Variants in ZC3H12B observed in about 807,000 individuals in gnomAD.
The protein encoded by ZC3H12B is zinc finger CCCH-type containing 12B, also known as probable ribonuclease ZC3H12B.
A neutral mutation model predicts 43.9 loss-of-function variants in ZC3H12B; 7 were observed. That is an observed-to-expected ratio of 0.16 (90% CI 0.09 to 0.30). The LOEUF is 0.30. Among genes scored for constraint, ZC3H12B ranks in the 10% least tolerant of loss-of-function variants. The pLI, the probability that ZC3H12B is intolerant of heterozygous loss-of-function variation, is 1.00. For missense variants in ZC3H12B, 475 were observed against 670.2 expected (o/e 0.71, Z 3.22); for synonymous variants, 222 against 241.7 (o/e 0.92, Z 0.76).
chrX:65,293,479 C>A, the ZC3H12B span, among the ~76,000 whole-genome samples: 1 of 109,288 alleles, frequency 9.2e-6, no homozygotes, highest in African/African-American at 3.3e-5. Flanking sequence ...CAGTAGATTA[C>A]CAGCAATGGA....
chrX:65,370,479 A>G (rs189000874), intron 2 of ZC3H12B, among the ~76,000 whole-genome samples: 1 of 112,362 alleles, frequency 8.9e-6, no homozygotes, highest in East Asian at 2.8e-4. Flanking sequence ...AGGCAATAAC[A>G]TTCTATCATA....
chrX:65,321,976 C>T, the ZC3H12B span, among the ~76,000 whole-genome samples: 3 of 111,135 alleles, frequency 2.7e-5, no homozygotes, highest in African/African-American at 9.8e-5. Context: ...ATAATCTATA[C>T]AACAAACTTC....
chrX:65,450,829 ATGTG>A (rs1346712854), intron 3 of ZC3H12B, among the ~76,000 whole-genome samples: 14 of 66,489 alleles, frequency 2.1e-4, no homozygotes, highest in African/African-American at 1.1e-3. Flanking sequence ...ATATATACAT[ATGTG>A]TATATATGTA....
At chrX:65,091,903 T>A in the ZC3H12B span, among the ~76,000 whole-genome samples, 1 of 112,189 alleles carries the variant, frequency 8.9e-6, no homozygotes, top group Non-Finnish European at 1.9e-5. Flanking sequence ...TGGATCTGTG[T>A]CCCCACCCAA....
chrX:65,182,691 A>C, the ZC3H12B span, among the ~76,000 whole-genome samples: 2 of 109,719 alleles, frequency 1.8e-5, no homozygotes, highest in African/African-American at 6.7e-5. Context: ...AATATCCAGA[A>C]TCTTTAAGGA....
At chrX:65,466,939 T>TATATAC (rs1169486910) in intron 3 of ZC3H12B, among the ~76,000 whole-genome samples, 1 of 50,517 alleles carries the variant, frequency 2.0e-5, no homozygotes, top group Non-Finnish European at 3.4e-5. Context: ...TATATATATA[T>TATATAC]ATATATATAT....
chrX:65,471,221 A>G (rs565846126), intron 3 of ZC3H12B, among the ~76,000 whole-genome samples: 2 of 111,114 alleles, frequency 1.8e-5, no homozygotes, highest in East Asian at 5.6e-4. Context: ...AAGTACATAT[A>G]TCTTCTTGTT....
the ZC3H12B span, among the ~76,000 whole-genome samples, chrX:65,143,632 G>A: frequency 1.9e-5 from 2 of 107,731 alleles, no homozygotes; most frequent in Non-Finnish European, 3.8e-5. Flanking sequence ...GTGTGATCAT[G>A]GCTCACTGCA....
At chrX:65,274,423 A>G in the ZC3H12B span, among the ~76,000 whole-genome samples, 1 of 110,001 alleles carries the variant, frequency 9.1e-6, no homozygotes, top group African/African-American at 3.3e-5. Flanking sequence ...CTCCATCTTT[A>G]TTACTCCAAG....
At chrX:65,157,461 T>C in the ZC3H12B span, among the ~76,000 whole-genome samples, 807 of 112,290 alleles carry the variant, frequency 7.2e-3, 6 homozygotes, top group Non-Finnish European at 0.012. Context: ...AGTGGTGTTA[T>C]TTCTAGTAAT....
the ZC3H12B span, among the ~76,000 whole-genome samples, chrX:65,220,638 G>A: frequency 1.8e-5 from 2 of 111,944 alleles, no homozygotes; most frequent in South Asian, 7.4e-4. Flanking sequence ...GACTAGTTCA[G>A]CAGGAAACTA....
At chrX:65,436,988 C>T (rs1281639606) in intron 3 of ZC3H12B, among the ~76,000 whole-genome samples, 1 of 109,862 alleles carries the variant, frequency 9.1e-6, no homozygotes, top group Non-Finnish European at 1.9e-5. Flanking sequence ...AGTCTTGCTC[C>T]ATCACCCTGG....
At chrX:65,307,696 A>AT in the ZC3H12B span, among the ~76,000 whole-genome samples, 23 of 111,929 alleles carry the variant, frequency 2.1e-4, no homozygotes, top group Admixed American at 1.9e-3. Flanking sequence ...AAAGGTACAG[A>AT]TTTTTTTGAA....
the ZC3H12B span, among the ~76,000 whole-genome samples, chrX:65,175,161 G>A: frequency 9.0e-6 from 1 of 111,531 alleles, no homozygotes; most frequent in Non-Finnish European, 1.9e-5. Context: ...CACTTCCCAG[G>A]TGAGGTGACA....
chrX:65,248,037 A>G, the ZC3H12B span, among the ~76,000 whole-genome samples: 9,136 of 101,929 alleles, frequency 0.09, 1,023 homozygotes, highest in African/African-American at 0.4. Flanking sequence ...AGGCAAGATT[A>G]GCCACGAAAA....
chrX:65,111,244 C>T, the ZC3H12B span, among the ~76,000 whole-genome samples: 3 of 111,120 alleles, frequency 2.7e-5, no homozygotes, highest in Non-Finnish European at 5.7e-5. Context: ...ATTGCGGTGT[C>T]TGGAATGACT....
chrX:65,431,244 G>T (rs2067158451), intron 3 of ZC3H12B, among the ~76,000 whole-genome samples: 1 of 112,494 alleles, frequency 8.9e-6, no homozygotes, highest in Non-Finnish European at 1.9e-5. Flanking sequence ...TTGACTATAT[G>T]GAAAGTAAAT....
the ZC3H12B span, among the ~76,000 whole-genome samples, chrX:65,159,446 C>T: frequency 9.0e-6 from 1 of 111,571 alleles, no homozygotes. Flanking sequence ...TTTCATTGAG[C>T]AGTGGTCTGT....
the ZC3H12B span, among the ~76,000 whole-genome samples, chrX:65,126,619 A>G: frequency 9.2e-6 from 1 of 108,882 alleles, no homozygotes; most frequent in Non-Finnish European, 1.9e-5. Flanking sequence ...TCTTGGGTAC[A>G]CCAATTATTT....
Sources: gnomAD v4.1 joint callset for allele counts (sites outside exome capture counted in the v4.1 genomes callset) on GRCh38, gnomAD v4.1.1 for gene constraint, MANE v1.5 for transcripts, NCBI Gene and HGNC (gene_info 2026-07-23, HGNC 2026-07-21) for gene names.